Variants in SEC14L1 observed in about 807,000 individuals in gnomAD.
The protein encoded by SEC14L1 is SEC14-like protein 1.
A neutral mutation model predicts 85.3 loss-of-function variants in SEC14L1; 48 were observed. That is an observed-to-expected ratio of 0.56 (90% CI 0.45 to 0.72). The LOEUF is 0.72. Ranked by LOEUF, SEC14L1 falls within the 30% of genes least tolerant of loss-of-function variation. The pLI, the probability that SEC14L1 is intolerant of heterozygous loss-of-function variation, is 0.00. For missense variants in SEC14L1, 682 were observed against 921.4 expected (o/e 0.74, Z 3.36); for synonymous variants, 391 against 355.5 (o/e 1.10, Z -1.12).
chr17:77,200,808 C>A, intron 9 of SEC14L1, 135 bp downstream of exon 9: 1 of 831,958 alleles, frequency 1.2e-6, no homozygotes, highest in Non-Finnish European at 1.9e-6. Context: ...GAGAATTTGG[C>A]ACCTTTCCCA....
chr17:77,175,969 C>G lies in SEC14L1; in HGVS notation c.64-14834C>G, dbSNP rs546680943. On this transcript the variant is annotated intron_variant, in intron 3 of 16. Coordinates refer to ENST00000436233, the MANE Select transcript of SEC14L1 (RefSeq NM_001143998.2). ...AAAAAAGGTTAAAGTGAAGACACCA[C>G]TCAAAGGTGGGCATGATAGTGTAGA... is the stretch of plus-strand genomic sequence containing the variant. Among the ~76,000 whole-genome samples the G allele has an allele frequency of 2.6e-5, 4 of 152,204 alleles. No homozygotes were observed. The East Asian group carries it at 7.7e-4, about 29-fold the overall frequency.
At chr17:77,167,145 C>T (rs1189030941) in intron 3 of SEC14L1, among the ~76,000 whole-genome samples, 1 of 126,184 alleles carries the variant, frequency 7.9e-6, no homozygotes, top group African/African-American at 3.5e-5. Context: ...TTTTCTTTTT[C>T]CTTTTTTTTT....
intron 3 of SEC14L1, among the ~76,000 whole-genome samples, chr17:77,154,023 C>T (rs1973691318): frequency 6.6e-6 from 1 of 152,014 alleles, no homozygotes; most frequent in Non-Finnish European, 1.5e-5. Flanking sequence ...TGTTCTGCAC[C>T]CACAGATACA....
At position 77,216,789 on chromosome 17, in the gene SEC14L1, C is replaced by A; in HGVS notation, c.*2766C>A. On this transcript the variant is annotated 3_prime_UTR_variant, in exon 17 of 17. Coordinates refer to ENST00000436233, the MANE Select transcript of SEC14L1 (RefSeq NM_001143998.2). ...TTACAGGGTTTCCTCCCGAGTAATC[C>A]AATCTCACTCCCCTTGTAAGGGAAT... is the stretch of plus-strand genomic sequence containing the variant. 4.4e-6 allele frequency: 3 copies of A among 684,510 alleles called. No individual in the cohort carries two copies. The highest frequency in any genetic ancestry group is 7.0e-6 in the Non-Finnish European group (3 of 426,526). The allele number at this position is 684,510 out of a possible 1,614,324, so 42.4% of individuals were successfully genotyped here. A position where few individuals can be genotyped will look rare whatever the true frequency, so the allele number is the denominator to read the frequency against.
At chr17:77,212,283 G>T (rs374542568) in intron 15 of SEC14L1, 82 bp downstream of exon 15, 2 of 1,549,094 alleles carry the variant, frequency 1.3e-6, no homozygotes, top group Non-Finnish European at 1.8e-6. Context: ...TCTTTGCTTC[G>T]CTCCTTGAGC....
intron 3 of SEC14L1, among the ~76,000 whole-genome samples, chr17:77,173,278 G>T (rs1974599763): frequency 6.6e-6 from 1 of 152,012 alleles, no homozygotes; most frequent in Non-Finnish European, 1.5e-5. Flanking sequence ...ACATTGTTCT[G>T]TCTCGCACCG....
intron 9 of SEC14L1, among the ~76,000 whole-genome samples, chr17:77,202,671 G>C (rs1325162915): frequency 2.0e-5 from 3 of 152,036 alleles, no homozygotes; most frequent in Non-Finnish European, 4.4e-5. Flanking sequence ...TATAATCCTA[G>C]AAGTTTGGGA....
At chr17:77,148,753 C>T (rs62078297) in intron 3 of SEC14L1, among the ~76,000 whole-genome samples, 22,079 of 152,292 alleles carry the variant, frequency 0.14, 1,975 homozygotes, top group Middle Eastern at 0.21. Flanking sequence ...TCTTTCATCC[C>T]TTAGGTCACT....
At chr17:77,092,343 G>A (rs1213661915) in intron 2 of SEC14L1, among the ~76,000 whole-genome samples, 1 of 152,088 alleles carries the variant, frequency 6.6e-6, no homozygotes, top group East Asian at 1.9e-4. Context: ...GATGTCAGTA[G>A]GCACTATGGA....
chr17:77,107,587 C>T (rs1971943265), intron 3 of SEC14L1, among the ~76,000 whole-genome samples: 1 of 151,540 alleles, frequency 6.6e-6, no homozygotes, highest in African/African-American at 2.4e-5. Flanking sequence ...AAATGAGATA[C>T]AGGAGTCCGT....
intron 4 of SEC14L1, 89 bp downstream of exon 4, chr17:77,191,041 G>A: frequency 6.4e-7 from 1 of 1,551,186 alleles, no homozygotes; most frequent in Non-Finnish European, 8.8e-7. Context: ...GAGGGAGAGG[G>A]CATCCTGGAG....
chr17:77,187,159 CG>C (rs1031123770), intron 3 of SEC14L1, among the ~76,000 whole-genome samples: 1 of 152,066 alleles, frequency 6.6e-6, no homozygotes, highest in African/African-American at 2.4e-5. Context: ...TCCCAAGATC[CG>C]AAAAAATTCT....
chr17:77,209,570 G>A (rs2143197104), intron 14 of SEC14L1, 94 bp downstream of exon 14: 1 of 1,346,994 alleles, frequency 7.4e-7, no homozygotes. Context: ...ATTCAGAACA[G>A]TCCACTCGTT....
At chr17:77,168,390 T>C (rs933286832) in intron 3 of SEC14L1, among the ~76,000 whole-genome samples, 1 of 152,062 alleles carries the variant, frequency 6.6e-6, no homozygotes, top group African/African-American at 2.4e-5. Context: ...GGAGGAGAGG[T>C]AGGGGAGGTT....
At position 77,089,494 on chromosome 17, in the gene SEC14L1, C is replaced by T. The variant is rs768217904; in HGVS notation, c.-240+223C>T. On this transcript the variant is annotated intron_variant, in intron 2 of 19. Coordinates refer to the SEC14L1 transcript ENST00000392476. ...ATCATGTATGATACTGCAAACAGGA[C>T]CTACGTTTAAAGAAAATGGTTGTAG... 4.1e-5 allele frequency: 21 copies of T among 514,740 alleles called. No homozygotes were observed. In the East Asian group the frequency reaches 7.7e-4, roughly 19 times the overall value. 31.9% of individuals were successfully genotyped at this position (514,740 alleles called of 1,614,324 possible). A position where few individuals can be genotyped will look rare whatever the true frequency, so the allele number is the denominator to read the frequency against.
intron 3 of SEC14L1, chr17:77,185,395 G>A (rs527998207): frequency 4.0e-5 from 39 of 985,358 alleles, no homozygotes; most frequent in East Asian, 2.3e-4. Context: ...TAAAGTGAAC[G>A]TCTGTGCAAA....
chr17:77,182,471 T>C (rs1975080462), intron 3 of SEC14L1, among the ~76,000 whole-genome samples: 1 of 152,176 alleles, frequency 6.6e-6, no homozygotes, highest in Non-Finnish European at 1.5e-5. Context: ...GATGAGGCCC[T>C]AGTTTTGTTT....
intron 3 of SEC14L1, among the ~76,000 whole-genome samples, chr17:77,117,608 T>C (rs1327842963): frequency 6.6e-6 from 1 of 152,204 alleles, no homozygotes; most frequent in Non-Finnish European, 1.5e-5. Context: ...GGAGTTGGCC[T>C]GTCACCAATG....
chr17:77,135,895 C>CA (rs1972781462), intron 3 of SEC14L1, among the ~76,000 whole-genome samples: 1 of 150,610 alleles, frequency 6.6e-6, no homozygotes, highest in Non-Finnish European at 1.5e-5. Flanking sequence ...TTTTTTGAAA[C>CA]AGAGTTTCGC....
Sources: allele counts gnomAD v4.1 joint callset (sites outside exome capture counted in the v4.1 genomes callset), GRCh38; gene constraint gnomAD v4.1.1; transcripts MANE v1.5; gene names NCBI Gene and HGNC (gene_info 2026-07-23, HGNC 2026-07-21).